Variants in CD109 observed in about 807,000 individuals in gnomAD.
CD109 encodes CD109 antigen.
In CD109, 149 loss-of-function variants were observed where a neutral mutation model predicts 165.8. That is an observed-to-expected ratio of 0.90 (90% CI 0.79 to 1.03). The LOEUF (loss-of-function observed/expected upper bound fraction) is 1.03. Among genes scored for constraint, CD109 ranks in the 50% least tolerant of loss-of-function variants. CD109 has a pLI of 0.00. For missense variants in CD109, 1,712 were observed against 1,677.8 expected (o/e 1.02, Z -0.36); for synonymous variants, 585 against 592.1 (o/e 0.99, Z 0.18).
chr6:73,711,078 T>C (rs1771520791), intron 2 of CD109, among the ~76,000 whole-genome samples: 1 of 152,234 alleles, frequency 6.6e-6, no homozygotes, highest in African/African-American at 2.4e-5. Flanking sequence ...TGGGCCAGAC[T>C]GGATCTGTAG....
intron 20 of CD109, among the ~76,000 whole-genome samples, chr6:73,786,362 T>G (rs1172452299): frequency 2.6e-5 from 4 of 152,160 alleles, no homozygotes; most frequent in African/African-American, 9.6e-5. Context: ...CATGATATCT[T>G]TAGGCACTTT....
chr6:73,697,516 A>G lies in CD109; in HGVS notation c.191A>G (p.Lys64Arg), dbSNP rs369912252. 5.3e-5 allele frequency: 85 copies of G among 1,614,190 alleles called. No homozygotes were observed. Among genetic ancestry groups the G allele is most frequent in the Non-Finnish European group, 7.1e-5 (84 of 1,180,018 alleles). The change falls in exon 2 of 33, where the codon AAG becomes AGG. Residue 64 changes from lysine to arginine, a missense_variant. Lys to Arg is a conservative substitution (Grantham distance 26). Transcript: ENST00000287097. ...SQVTVKAELLKTASNLTVSVL... is the reference protein window; with the variant it reads ...SQVTVKAELLRTASNLTVSVL... The stretch of plus-strand genomic sequence containing the variant: ...GTGACTGTGAAGGCGGAGCTGCTCA[A>G]GACAGCATCAAACCTCACTGTCTCT...
intron 14 of CD109, among the ~76,000 whole-genome samples, chr6:73,770,559 A>T (rs1773999479): frequency 6.6e-6 from 1 of 152,174 alleles, no homozygotes; most frequent in African/African-American, 2.4e-5. Flanking sequence ...AGCCTGGCCA[A>T]CATGGTGAAA....
At chr6:73,783,136 C>T (rs1157870689) in intron 18 of CD109, among the ~76,000 whole-genome samples, 2 of 152,208 alleles carry the variant, frequency 1.3e-5, no homozygotes, top group African/African-American at 4.8e-5. Flanking sequence ...CTGAACCCTG[C>T]TCCTCACAAA....
intron 2 of CD109, among the ~76,000 whole-genome samples, chr6:73,706,935 A>G (rs916375823): frequency 3.3e-5 from 5 of 152,240 alleles, no homozygotes; most frequent in African/African-American, 9.6e-5. Flanking sequence ...TCAGGAATAT[A>G]GATAAGACAG....
At chr6:73,713,936 T>G (rs572885505) in intron 2 of CD109, among the ~76,000 whole-genome samples, 1 of 152,090 alleles carries the variant, frequency 6.6e-6, no homozygotes, top group East Asian at 1.9e-4. Flanking sequence ...TCGTTCTTCA[T>G]CTTTGTAAAT....
chr6:73,724,070 G>A (rs1772053473), intron 3 of CD109, among the ~76,000 whole-genome samples: 1 of 152,098 alleles, frequency 6.6e-6, no homozygotes, highest in Non-Finnish European at 1.5e-5. Flanking sequence ...CCCTGTCTTT[G>A]TTTAAAACTT....
intron 23 of CD109, among the ~76,000 whole-genome samples, chr6:73,797,529 A>G (rs1305780914): frequency 2.0e-5 from 3 of 152,066 alleles, no homozygotes. Flanking sequence ...ATTTCATGTC[A>G]TAGAAAGTAA....
intron 24 of CD109, chr6:73,804,081 TGA>T (rs1775481538): frequency 6.6e-6 from 1 of 152,258 alleles, no homozygotes; most frequent in Admixed American, 6.5e-5. Context: ...GACTTCATCC[TGA>T]GTGTATCATT....
At chr6:73,761,069 A>C (rs952056940) in intron 7 of CD109, among the ~76,000 whole-genome samples, 2 of 132,914 alleles carry the variant, frequency 1.5e-5, no homozygotes, top group East Asian at 2.2e-4. Context: ...ACACACACAC[A>C]CAAACCCAGA....
intron 1 of CD109, among the ~76,000 whole-genome samples, chr6:73,697,041 C>T (rs865837615): frequency 5.9e-5 from 9 of 152,336 alleles, no homozygotes; most frequent in Admixed American, 2.6e-4. Context: ...ATAAGGTCCT[C>T]TGTAAAGGAG....
chr6:73,741,217 C>G (rs1015207624), intron 5 of CD109, among the ~76,000 whole-genome samples: 3 of 152,006 alleles, frequency 2.0e-5, no homozygotes, highest in East Asian at 1.9e-4. Context: ...TCTTTTTGTG[C>G]TACTTATACG....
Position 73,781,312 on chromosome 6 carries a change from T to C in CD109, c.1956T>C (p.Asp652=). Residue 652 remains aspartate, a synonymous_variant, in exon 17 of 33, where the codon GAT becomes GAC. Transcript: ENST00000287097. ...CAAACCTCACGAAGGATTATATTGATGGTGTTTGTAAGTAATACATGGCGA... is the reference window on the plus strand; with the variant it reads ...CAAACCTCACGAAGGATTATATTGACGGTGTTTGTAAGTAATACATGGCGA... ...TDANLTKDYI[D]GVYDNAEYAE... The C allele has an allele frequency of 6.2e-7, 1 of 1,612,462 alleles. No homozygotes were observed. Among genetic ancestry groups the C allele is most frequent in the Non-Finnish European group, 8.5e-7 (1 of 1,178,624 alleles).
chr6:73,761,071 A>AC (rs1491540402), intron 7 of CD109, among the ~76,000 whole-genome samples: 33 of 134,784 alleles, frequency 2.4e-4, no homozygotes, highest in African/African-American at 8.7e-4. Context: ...ACACACACAC[A>AC]AACCCAGAAA....
rs1772841384 is a variant in CD109, at chr6:73,742,762, G to A, written c.633+6254G>A. ...TAATGGCCACCTGAGGCTGCAGCTG[G>A]TTCTGAAACATCAGTGTGCCACAGA... is the stretch of plus-strand genomic sequence containing the variant. On this transcript the variant is annotated intron_variant, in intron 5 of 32. Coordinates refer to ENST00000287097, the MANE Select transcript of CD109 (RefSeq NM_133493.5). 4.6e-5 allele frequency among the ~76,000 whole-genome samples: 7 copies of A among 152,196 alleles called. No individual in the cohort carries two copies. The South Asian group carries it at 1.4e-3, about 31-fold the overall frequency.
chr6:73,818,572 C>T, intron 31 of CD109, 37 bp downstream of exon 31: 1 of 1,576,706 alleles, frequency 6.3e-7, no homozygotes, highest in East Asian at 2.2e-5. Context: ...TTGACAAAGC[C>T]ACTGTGTTTT....
chr6:73,729,278 T>G (rs188895568), intron 3 of CD109, among the ~76,000 whole-genome samples: 3 of 152,276 alleles, frequency 2.0e-5, no homozygotes, highest in Admixed American at 1.3e-4. Context: ...AGGCTTCACC[T>G]TTTGAAGGGA....
chr6:73,705,648 G>GAA (rs1315529911), intron 2 of CD109, among the ~76,000 whole-genome samples: 1 of 151,870 alleles, frequency 6.6e-6, no homozygotes, highest in Non-Finnish European at 1.5e-5. Context: ...GAAAAGAAAA[G>GAA]AAAAGAATAG....
chr6:73,786,915 A>G (rs1336048128), intron 20 of CD109, among the ~76,000 whole-genome samples: 1 of 152,230 alleles, frequency 6.6e-6, no homozygotes, highest in Non-Finnish European at 1.5e-5. Flanking sequence ...AGTAATATCA[A>G]TATATGAAAT....
Sources: allele counts gnomAD v4.1 joint callset (sites outside exome capture counted in the v4.1 genomes callset), GRCh38; gene constraint gnomAD v4.1.1; transcripts MANE v1.5; gene names NCBI Gene and HGNC (gene_info 2026-07-23, HGNC 2026-07-21).